Variants in ROBO2 observed in about 807,000 individuals in gnomAD.
ROBO2 encodes the protein roundabout homolog 2.
In ROBO2, 53 loss-of-function variants were observed where a neutral mutation model predicts 160.8. The observed-to-expected ratio is 0.33, with a 90% CI of 0.26 to 0.41. The LOEUF (loss-of-function observed/expected upper bound fraction) is 0.41, where lower values mean the gene tolerates loss of function less well. Ranked by LOEUF, ROBO2 falls within the 10% of genes least tolerant of loss-of-function variation. The pLI, the probability that ROBO2 is intolerant of heterozygous loss-of-function variation, is 1.00. For missense variants in ROBO2, 1,577 were observed against 1,722.4 expected (o/e 0.92, Z 1.49); for synonymous variants, 664 against 611.7 (o/e 1.09, Z -1.26).
intron 2 of ROBO2, among the ~76,000 whole-genome samples, chr3:77,289,838 C>A (rs2060958440): frequency 6.6e-6 from 1 of 151,378 alleles, no homozygotes; most frequent in South Asian, 2.1e-4. Context: ...AACAGGTAAG[C>A]TGAGGCTAGG....
At chr3:77,178,431 C>T (rs183811394) in intron 2 of ROBO2, among the ~76,000 whole-genome samples, 2 of 152,094 alleles carry the variant, frequency 1.3e-5, no homozygotes, top group Non-Finnish European at 2.9e-5. Context: ...TGTTTGCTCT[C>T]AACTCATGCT....
Position 76,398,280 on chromosome 3 carries a change from A to T in ROBO2, c.109+460678A>T, listed in dbSNP as rs544721146. ...CATAGGTGGGAATTGAACAATGAGA[A>T]CACATGGACACAGGAAGGGGAACAT... On this transcript the variant is annotated intron_variant, in intron 2 of 26. Coordinates refer to the ROBO2 transcript ENST00000487694. Among the ~76,000 whole-genome samples, 10 of 147,700 alleles carry T rather than the reference A, an allele frequency of 6.8e-5. No individual in the cohort carries two copies. The East Asian group carries it at 2.0e-3, about 29-fold the overall frequency.
chr3:77,419,897 G>T (rs2077563515), intron 2 of ROBO2, among the ~76,000 whole-genome samples: 1 of 152,092 alleles, frequency 6.6e-6, no homozygotes, highest in African/African-American at 2.4e-5. Context: ...GTGTATTCCT[G>T]AAAATAGGTG....
At chr3:76,483,181 T>C (rs908352961) in intron 2 of ROBO2, among the ~76,000 whole-genome samples, 7 of 152,122 alleles carry the variant, frequency 4.6e-5, no homozygotes. Flanking sequence ...ATATTTAAAA[T>C]TGTTTTTGGA....
At chr3:76,605,783 T>C (rs891046152) in intron 2 of ROBO2, among the ~76,000 whole-genome samples, 1 of 152,038 alleles carries the variant, frequency 6.6e-6, no homozygotes, top group East Asian at 1.9e-4. Flanking sequence ...ATCATATTTA[T>C]GTATAGGTAG....
intron 2 of ROBO2, among the ~76,000 whole-genome samples, chr3:77,160,108 C>T (rs2078353664): frequency 8.1e-6 from 1 of 123,518 alleles, no homozygotes; most frequent in Admixed American, 8.2e-5. Flanking sequence ...ACCACAAACA[C>T]AAAACATGAT....
intron 2 of ROBO2, among the ~76,000 whole-genome samples, chr3:77,444,708 T>C (rs1454908681): frequency 6.6e-6 from 1 of 152,068 alleles, no homozygotes; most frequent in East Asian, 1.9e-4. Context: ...AAATCCTATG[T>C]GGGAAAAAAG....
chr3:76,309,711 A>C (rs1005286271), intron 2 of ROBO2, among the ~76,000 whole-genome samples: 8 of 152,214 alleles, frequency 5.3e-5, no homozygotes, highest in Non-Finnish European at 1.0e-4. Context: ...CTGATTAAGG[A>C]AATTAGTGAC....
intron 2 of ROBO2, among the ~76,000 whole-genome samples, chr3:76,428,861 A>G (rs2076324561): frequency 6.6e-6 from 1 of 152,152 alleles, no homozygotes; most frequent in South Asian, 2.1e-4. Context: ...AGCTGCCGAC[A>G]GTCATCTTCA....
At chr3:76,480,550 C>A (rs2079154522) in intron 2 of ROBO2, among the ~76,000 whole-genome samples, 1 of 152,094 alleles carries the variant, frequency 6.6e-6, no homozygotes, top group South Asian at 2.1e-4. Context: ...TCTTACAGAT[C>A]TAGAGGCTGA....
At chr3:76,194,374 A>ATATG (rs1299542835) in intron 2 of ROBO2, among the ~76,000 whole-genome samples, 1 of 142,670 alleles carries the variant, frequency 7.0e-6, no homozygotes, top group Non-Finnish European at 1.5e-5. Flanking sequence ...ATATATATAT[A>ATATG]TATATATATA....
intron 2 of ROBO2, among the ~76,000 whole-genome samples, chr3:77,338,358 C>T (rs1322087474): frequency 6.6e-6 from 1 of 152,132 alleles, no homozygotes; most frequent in Non-Finnish European, 1.5e-5. Flanking sequence ...CGTAGTTGCT[C>T]TGAGATTGTT....
At chr3:76,937,802 C>T (rs2077811813) in intron 2 of ROBO2, among the ~76,000 whole-genome samples, 1 of 152,130 alleles carries the variant, frequency 6.6e-6, no homozygotes, top group Non-Finnish European at 1.5e-5. Flanking sequence ...TTTATTTATA[C>T]TGAATTCAGT....
At chr3:76,872,560 A>C (rs554262631) in intron 2 of ROBO2, among the ~76,000 whole-genome samples, 34 of 152,138 alleles carry the variant, frequency 2.2e-4, no homozygotes, top group African/African-American at 7.9e-4. Flanking sequence ...ATTACATTCC[A>C]AAAAAGGTAT....
intron 2 of ROBO2, among the ~76,000 whole-genome samples, chr3:77,308,857 A>G (rs1266974305): frequency 1.3e-5 from 2 of 152,324 alleles, no homozygotes; most frequent in East Asian, 3.9e-4. Flanking sequence ...GACTATATAG[A>G]TACATGTATA....
chr3:76,005,059 A>G (rs1022522667), intron 2 of ROBO2, among the ~76,000 whole-genome samples: 10 of 152,290 alleles, frequency 6.6e-5, no homozygotes, highest in Admixed American at 2.0e-4. Context: ...CTCACCTTCC[A>G]CCATGAGATG....
chr3:76,816,542 CAT>C (rs796887281), intron 2 of ROBO2, among the ~76,000 whole-genome samples: 8 of 152,040 alleles, frequency 5.3e-5, no homozygotes, highest in African/African-American at 1.9e-4. Flanking sequence ...ATATTAATAA[CAT>C]GTTTGATGTG....
rs1477780213 is a variant in ROBO2 at position 76,906,471 on chromosome 3, CAATT to C, written c.110-191538_110-191535del. Reference sequence around the variant, plus strand: ...ACAGACACATATTATACATAACTGACAATTAATTTATTCGGTGGTATCTGATAAT... The same window carrying C: ...ACAGACACATATTATACATAACTGACAATTTATTCGGTGGTATCTGATAAT... On this transcript the variant is annotated intron_variant, in intron 2 of 26. Coordinates refer to the ROBO2 transcript ENST00000487694. Among the ~76,000 whole-genome samples the C allele has an allele frequency of 2.4e-4, 37 of 151,502 alleles. No homozygotes were observed. The East Asian group carries it at 3.5e-3, about 14-fold the overall frequency.
chr3:75,991,215 C>G (rs1236529027), intron 2 of ROBO2, among the ~76,000 whole-genome samples: 1 of 152,024 alleles, frequency 6.6e-6, no homozygotes, highest in Non-Finnish European at 1.5e-5. Flanking sequence ...TGTAAAGAAT[C>G]CTGACTAGTA....
Sources: gnomAD v4.1 joint callset for allele counts (sites outside exome capture counted in the v4.1 genomes callset) on GRCh38, gnomAD v4.1.1 for gene constraint, MANE v1.5 for transcripts, NCBI Gene and HGNC (gene_info 2026-07-23, HGNC 2026-07-21) for gene names.